REEP2: variants seen among roughly 807,000 people sequenced by gnomAD.
REEP2 encodes the protein receptor expression-enhancing protein 2.
A neutral mutation model predicts 32.1 loss-of-function variants in REEP2; 9 were observed. The ratio of observed to expected loss-of-function variants is 0.28; its 90% CI spans 0.17 to 0.49. The LOEUF is 0.49. Ranked by LOEUF, REEP2 falls within the 20% of genes least tolerant of loss-of-function variation. REEP2 has a pLI of 0.99. For missense variants in REEP2, 236 were observed against 338.0 expected (o/e 0.70, Z 2.37); for synonymous variants, 128 against 139.1 (o/e 0.92, Z 0.56).
rs774228419 is a variant in REEP2 at position 138,441,119 on chromosome 5, A to G, written c.105+31A>G. ...TGGATGACCCTTCACCCCCTACCCA[A>G]CCCACATGGCACAGAGAGGGGAGGG... is the stretch of plus-strand genomic sequence containing the variant. On this transcript the variant is annotated intron_variant, in intron 2 of 7. Transcript: ENST00000378339. This position sits in a 1 kb window ranked among gnomAD's most constrained non-coding sequence, Gnocchi z 4.4. 1.9e-5 allele frequency: 31 copies of G among 1,612,968 alleles called. No individual in the cohort carries two copies. The highest frequency in any genetic ancestry group is 2.6e-5 in the Non-Finnish European group (31 of 1,179,662).
At chr5:138,442,941 G>A (rs1054155303) in intron 3 of REEP2, among the ~76,000 whole-genome samples, 1 of 151,668 alleles carries the variant, frequency 6.6e-6, no homozygotes, top group Non-Finnish European at 1.5e-5. Context: ...CAGGAGAATC[G>A]CTTGAACCCA....
chr5:138,442,518 C>A (rs1763843769), intron 3 of REEP2, among the ~76,000 whole-genome samples: 1 of 151,956 alleles, frequency 6.6e-6, no homozygotes, highest in Non-Finnish European at 1.5e-5. Flanking sequence ...CGAGACCATC[C>A]TGGCCAACAC....
intron 5 of REEP2, 91 bp from the exon 6 acceptor site, chr5:138,445,137 C>T (rs566421956): frequency 1.8e-5 from 25 of 1,418,358 alleles, no homozygotes; most frequent in Admixed American, 1.1e-4. Context: ...GGGAGGGCAC[C>T]GAGCCTGGGG....
chr5:138,441,323 G>T lies in REEP2; in HGVS notation c.106-62G>T. On this transcript the variant is annotated intron_variant, in intron 2 of 7. Transcript: ENST00000378339. The surrounding 1 kb of genome is among the most constrained non-coding windows in gnomAD (Gnocchi z 4.4). The stretch of plus-strand genomic sequence containing the variant: ...GGCATGTTCAACAGGCAGAGCTGGG[G>T]TCCTGGGTGTCCCTGGCCCCTCAGC... The T allele has an allele frequency of 1.4e-6, 2 of 1,473,160 alleles. No homozygotes were observed. Among genetic ancestry groups the T allele is most frequent in the Admixed American group, 1.7e-5 (1 of 59,852 alleles). 91.3% of individuals were successfully genotyped at this position (1,473,160 alleles called of 1,614,324 possible).
chr5:138,440,711 C>T (rs1763807293), intron 1 of REEP2, among the ~76,000 whole-genome samples: 1 of 152,190 alleles, frequency 6.6e-6, no homozygotes, highest in African/African-American at 2.4e-5. Flanking sequence ...TCCCAGTCTC[C>T]ATGACATATT....
Position 138,445,347 on chromosome 5 carries a change from C to A in REEP2, c.537C>A (p.Gly179=). 2 of 1,613,172 alleles carry A rather than the reference C, an allele frequency of 1.2e-6. No individual in the cohort carries two copies. The highest frequency in any genetic ancestry group is 1.1e-5 in the South Asian group (1 of 90,956). ...ACGGCCGCCTCCGACCCAGCCCTGG[C>A]AGCCTCCTGGACACCATCGAGGACT... ...RPDGRLRPSP[G]SLLDTIEDLG... Residue 179 remains glycine (G), a synonymous_variant, in exon 6 of 8, where the codon GGC becomes GGA. Transcript: ENST00000378339.
intron 5 of REEP2, 36 bp from the exon 6 acceptor site, chr5:138,445,191 TC>T (rs757817604): frequency 1.0e-5 from 16 of 1,545,938 alleles, no homozygotes; most frequent in South Asian, 2.5e-5. Context: ...CCCCGCCCCT[TC>T]CCCCCGGCTC....
rs1235566673 is a variant in REEP2, at chr5:138,445,667, C to T, written c.697-16C>T. The T allele has an allele frequency of 5.0e-6, 8 of 1,614,016 alleles. No individual in the cohort carries two copies. In the South Asian group the frequency reaches 6.6e-5, roughly 13 times the overall value. On this transcript the variant is annotated splice_polypyrimidine_tract_variant and intron_variant, in intron 7 of 7. Transcript: ENST00000378339. ...CGGCTCCAGGCTGAGCCCCATCTTC[C>T]TCCTTCTTTCCACAGCCACTGGCTT...
chr5:138,441,469 C>T lies in REEP2; in HGVS notation c.182+8C>T, dbSNP rs778969742. On this transcript the variant is annotated splice_region_variant and intron_variant, in intron 3 of 7. Transcript: ENST00000378339. This position sits in a 1 kb window ranked among gnomAD's most constrained non-coding sequence, Gnocchi z 4.4. ...GGATATAGTGCTCTCCTGGTGAGGT[C>T]CAGCGTCCCCTCCTGTATCTCAGGG... is the stretch of plus-strand genomic sequence containing the variant. The T allele has an allele frequency of 6.8e-6, 11 of 1,613,034 alleles. No homozygotes were observed. Among genetic ancestry groups the T allele is most frequent in the African/African-American group, 1.3e-5 (1 of 75,032 alleles).
Position 138,443,061 on chromosome 5 carries a change from T to C in REEP2, c.183-1354T>C, listed in dbSNP as rs543335453. On this transcript the variant is annotated intron_variant, in intron 3 of 7. Coordinates refer to ENST00000378339, the MANE Select transcript of REEP2 (RefSeq NM_001271803.2). ...AATTGAGGGTAAAGGCCGGGCATGG[T>C]GGCTCCTGCTTGTAATCCTGGCACT... Among the ~76,000 whole-genome samples, 8 of 150,686 alleles carry C rather than the reference T, an allele frequency of 5.3e-5. No individual in the cohort carries two copies. The South Asian group carries it at 1.7e-3, about 32-fold the overall frequency.
chr5:138,439,513 A>G (rs955630645), intron 1 of REEP2, among the ~76,000 whole-genome samples: 1 of 152,120 alleles, frequency 6.6e-6, no homozygotes, highest in African/African-American at 2.4e-5. Context: ...CGCCCATCCT[A>G]GAGGCTGAGC....
intron 3 of REEP2, among the ~76,000 whole-genome samples, chr5:138,443,433 C>T (rs144129673): frequency 0.028 from 3,753 of 134,836 alleles, 99 homozygotes; most frequent in Non-Finnish European, 0.034. Flanking sequence ...GCACTCCGGC[C>T]TGGGCAACAA....
intron 4 of REEP2, 43 bp from the exon 5 acceptor site, chr5:138,444,711 G>T: frequency 6.3e-7 from 1 of 1,596,410 alleles, no homozygotes. Context: ...AACAAGGGTA[G>T]GGCAGGACCT....
Position 138,445,358 on chromosome 5 carries a change from A to T in REEP2, c.548A>T (p.Asp183Val). ...RLRPSPGSLLDTIEDLGDDPA... is the reference protein window; with the variant it reads ...RLRPSPGSLLVTIEDLGDDPA... ...CGACCCAGCCCTGGCAGCCTCCTGGACACCATCGAGGACTTAGGTACAGGC... is the reference window on the plus strand; with the variant it reads ...CGACCCAGCCCTGGCAGCCTCCTGGTCACCATCGAGGACTTAGGTACAGGC... Residue 183 changes from aspartate to valine, a missense_variant, in exon 6 of 8, where the codon GAC (aspartate) becomes GTC (valine). Coordinates refer to ENST00000378339, the MANE Select transcript of REEP2 (RefSeq NM_001271803.2). 3 of 1,612,980 alleles carry T rather than the reference A, an allele frequency of 1.9e-6. No homozygotes were observed. The highest frequency in any genetic ancestry group is 2.5e-6 in the Non-Finnish European group (3 of 1,179,560).
intron 1 of REEP2, chr5:138,439,563 T>G: frequency 2.0e-6 from 1 of 496,844 alleles, no homozygotes; most frequent in Non-Finnish European, 3.8e-6. Context: ...GCGCGTCCCC[T>G]CCCCCACCTA....
chr5:138,440,861 A>C (rs1198853550), intron 1 of REEP2, 155 bp from the exon 2 acceptor site: 9 of 1,424,014 alleles, frequency 6.3e-6, no homozygotes, highest in Non-Finnish European at 8.4e-6. Flanking sequence ...GGCATGTTCC[A>C]TGCTGCTTTG....
chr5:138,445,391 G>T lies in REEP2; in HGVS notation c.565+16G>T, dbSNP rs773459350. The T allele has an allele frequency of 6.2e-7, 1 of 1,612,086 alleles. No homozygotes were observed. The highest frequency in any genetic ancestry group is 8.5e-7 in the Non-Finnish European group (1 of 1,178,950). On this transcript the variant is annotated intron_variant, in intron 6 of 7. Coordinates refer to ENST00000378339, the MANE Select transcript of REEP2 (RefSeq NM_001271803.2). ...GAGGACTTAGGTACAGGCAGGGCCC[G>T]GGGTTGGGGTGGGGCCCCAAGGGCA...
At chr5:138,440,550 G>A (rs1763804481) in intron 1 of REEP2, among the ~76,000 whole-genome samples, 1 of 152,192 alleles carries the variant, frequency 6.6e-6, no homozygotes. Flanking sequence ...CAGGGCCACA[G>A]TGGTACCTCT....
chr5:138,444,370 C>G (rs1763882733), intron 3 of REEP2, 45 bp from the exon 4 acceptor site: 1 of 1,599,024 alleles, frequency 6.3e-7, no homozygotes, highest in African/African-American at 1.3e-5. Flanking sequence ...CAGGGCACCT[C>G]CCAACTCCCT....
Sources: gnomAD v4.1 joint callset for allele counts (sites outside exome capture counted in the v4.1 genomes callset) on GRCh38, gnomAD v4.1.1 for gene constraint, Gnocchi (gnomAD v3.1) non-coding constraint, MANE v1.5 for transcripts, NCBI Gene and HGNC (gene_info 2026-07-23, HGNC 2026-07-21) for gene names.